FHIT: variants seen among roughly 807,000 people sequenced by gnomAD.
FHIT encodes fragile histidine triad diadenosine triphosphatase, also known as bis(5'-adenosyl)-triphosphatase.
FHIT carries 19 observed loss-of-function variants against 17.9 expected under a neutral mutation model. That is an observed-to-expected ratio of 1.06 (90% CI 0.74 to 1.56). FHIT has a LOEUF of 1.56. Ranked by LOEUF, FHIT falls within the 40% of genes most tolerant of loss-of-function variation. The pLI is 0.00. For synonymous variants in FHIT, 81 were observed against 69.7 expected (o/e 1.16, Z -0.81); for missense variants, 248 against 189.2 (o/e 1.31, Z -1.82).
intron 8 of FHIT, among the ~76,000 whole-genome samples, chr3:59,877,544 G>A (rs2106935887): frequency 6.6e-6 from 1 of 152,316 alleles, no homozygotes; most frequent in South Asian, 2.1e-4. Context: ...ATGTAAACAA[G>A]CCCTATGGTT....
intron 5 of FHIT, among the ~76,000 whole-genome samples, chr3:60,059,820 G>A (rs1702229008): frequency 6.6e-6 from 1 of 152,120 alleles, no homozygotes; most frequent in Admixed American, 6.5e-5. Flanking sequence ...AAGACTCCTT[G>A]TAGCTTTGCA....
At chr3:59,990,945 CTA>C (rs58490302) in intron 7 of FHIT, among the ~76,000 whole-genome samples, 152,112 of 152,114 alleles carry the variant, frequency 1, 76,055 homozygotes, top group Middle Eastern at 1. Flanking sequence ...AAGAAGGACT[CTA>C]TAGAGTTGAA....
rs566188063 is a variant in FHIT, at chr3:61,051,127, T to C, written c.-163-9028A>G. ...GATTAAAATGTGAAAAAAATGTGCG[T>C]TAAAAAAATCTATGAAGAAAGAGAC... On this transcript the variant is annotated intron_variant, in intron 2 of 9. Coordinates refer to ENST00000492590, the MANE Select transcript of FHIT (RefSeq NM_002012.4). 2.7e-4 allele frequency among the ~76,000 whole-genome samples: 41 copies of C among 152,298 alleles called. 1 individual carries two copies. The South Asian group carries it at 8.5e-3, about 32-fold the overall frequency.
intron 4 of FHIT, among the ~76,000 whole-genome samples, chr3:60,588,212 T>G (rs1208556330): frequency 1.3e-5 from 2 of 152,078 alleles, no homozygotes; most frequent in Admixed American, 1.3e-4. Context: ...CTCTCAGCCC[T>G]TAAGGCAGCT....
At chr3:60,304,389 C>A (rs748402056) in intron 5 of FHIT, among the ~76,000 whole-genome samples, 3 of 151,876 alleles carry the variant, frequency 2.0e-5, no homozygotes, top group South Asian at 2.1e-4. Context: ...GACCACCACA[C>A]CTCAGGAACA....
chr3:60,082,350 C>T (rs1042234004), intron 5 of FHIT, among the ~76,000 whole-genome samples: 2 of 151,914 alleles, frequency 1.3e-5, no homozygotes, highest in Admixed American at 6.6e-5. Flanking sequence ...GTATGTGTAC[C>T]GTATTTCCTT....
intron 5 of FHIT, among the ~76,000 whole-genome samples, chr3:60,236,550 A>C (rs1317667619): frequency 6.6e-6 from 1 of 152,090 alleles, no homozygotes; most frequent in East Asian, 1.9e-4. Context: ...CTGTGGCACA[A>C]TGGGTTTTTC....
chr3:60,384,836 T>TAA (rs5849358), intron 5 of FHIT, among the ~76,000 whole-genome samples: 96 of 135,512 alleles, frequency 7.1e-4, no homozygotes, highest in African/African-American at 2.1e-3. Context: ...TTCACATTAG[T>TAA]AAAAAAAAAA....
At chr3:60,760,345 C>T (rs74453328) in intron 4 of FHIT, among the ~76,000 whole-genome samples, 2,424 of 152,276 alleles carry the variant, frequency 0.016, 71 homozygotes, top group African/African-American at 0.054. Context: ...TGGAGGTTTC[C>T]TCCTGACTGA....
At chr3:60,111,535 C>G (rs1704670807) in intron 5 of FHIT, among the ~76,000 whole-genome samples, 1 of 152,194 alleles carries the variant, frequency 6.6e-6, no homozygotes, top group African/African-American at 2.4e-5. Flanking sequence ...TTGGGGCTAT[C>G]TTTCCTTCAA....
At chr3:60,992,524 T>G (rs931344543) in intron 3 of FHIT, among the ~76,000 whole-genome samples, 4 of 152,192 alleles carry the variant, frequency 2.6e-5, no homozygotes, top group African/African-American at 4.8e-5. Context: ...TTTCCAAAGC[T>G]ACTTCCCGTT....
At chr3:60,169,744 A>C (rs1387230253) in intron 5 of FHIT, among the ~76,000 whole-genome samples, 2 of 152,314 alleles carry the variant, frequency 1.3e-5, no homozygotes, top group East Asian at 3.9e-4. Flanking sequence ...TTCCCTGGTG[A>C]CATTCCGCAG....
At chr3:60,504,305 G>A (rs1365825616) in intron 5 of FHIT, among the ~76,000 whole-genome samples, 3 of 151,910 alleles carry the variant, frequency 2.0e-5, no homozygotes, top group Non-Finnish European at 4.4e-5. Flanking sequence ...ATGGTGGCAC[G>A]CGCCTGTAAT....
At chr3:59,804,943 C>T (rs187478982) in intron 8 of FHIT, among the ~76,000 whole-genome samples, 1 of 152,128 alleles carries the variant, frequency 6.6e-6, no homozygotes, top group East Asian at 1.9e-4. Flanking sequence ...GAGACAGGTA[C>T]CTGTACTTAC....
At chr3:60,336,691 A>G (rs1304999982) in intron 5 of FHIT, among the ~76,000 whole-genome samples, 5 of 152,222 alleles carry the variant, frequency 3.3e-5, no homozygotes, top group Non-Finnish European at 4.4e-5. Flanking sequence ...GGCTACTGGC[A>G]TAGTAGACAG....
chr3:61,171,079 A>G (rs1460978759), intron 2 of FHIT, among the ~76,000 whole-genome samples: 2 of 152,160 alleles, frequency 1.3e-5, no homozygotes, highest in Non-Finnish European at 2.9e-5. Context: ...AAGGTGTATA[A>G]ACATTCTTTT....
At chr3:59,767,150 G>C (rs566761462) in intron 8 of FHIT, among the ~76,000 whole-genome samples, 2 of 152,192 alleles carry the variant, frequency 1.3e-5, no homozygotes, top group African/African-American at 4.8e-5. Context: ...TTCTGGACTC[G>C]ATCCTTCAGC....
chr3:60,634,258 T>C (rs2039521724), intron 4 of FHIT, among the ~76,000 whole-genome samples: 1 of 151,948 alleles, frequency 6.6e-6, no homozygotes, highest in South Asian at 2.1e-4. Context: ...CTTAAACGGG[T>C]TGCCAATCTA....
At chr3:60,330,379 C>T (rs1709908172) in intron 5 of FHIT, among the ~76,000 whole-genome samples, 1 of 152,180 alleles carries the variant, frequency 6.6e-6, no homozygotes, top group Admixed American at 6.5e-5. Context: ...AACACCCCAT[C>T]AGTCTTAGGT....
Sources: gnomAD v4.1 joint callset for allele counts (sites outside exome capture counted in the v4.1 genomes callset) on GRCh38, gnomAD v4.1.1 for gene constraint, MANE v1.5 for transcripts, NCBI Gene and HGNC (gene_info 2026-07-23, HGNC 2026-07-21) for gene names.